SRPRB: variants seen among roughly 807,000 people sequenced by gnomAD.
SRPRB encodes SRP receptor subunit beta.
Under a neutral mutation model 31.9 loss-of-function variants are expected in SRPRB, and 20 were observed. The observed-to-expected ratio is 0.63, with a 90% confidence interval of 0.44 to 0.91. The LOEUF is 0.91. SRPRB is among the 40% of genes least tolerant of loss of function. The probability of loss-of-function intolerance (pLI) is 0.00; values close to 1 mark genes in which losing one functional copy is unlikely to be tolerated. For synonymous variants in SRPRB, 146 were observed against 132.8 expected, an observed-to-expected ratio of 1.10 and a Z score of -0.68; for missense variants, 321 against 324.9, an observed-to-expected ratio of 0.99 and a Z score of 0.09.
Position 133,811,169 on chromosome 3 carries a change from AG to A in SRPRB, c.381del (p.Gln127HisfsTer3). The A allele has an allele frequency of 6.2e-7, 1 of 1,614,196 alleles. No homozygotes were observed. The highest frequency in any genetic ancestry group is 8.5e-7 in the Non-Finnish European group (1 of 1,180,024). The stretch of plus-strand genomic sequence containing the variant: ...CCCGGCCATGAGAGTTTGAGGCTTC[AG>A]TTCTTAGAGCGGTTTAAGTCTTCAG... ...DLPGHESLRLQFLERFKSSAR... is the reference protein window; with the variant it reads ...DLPGHESLRLXFLERFKSSAR... On this transcript the variant is annotated frameshift_variant, in exon 4 of 7. Coordinates refer to ENST00000678299, the MANE Select transcript of SRPRB (RefSeq NM_001379313.1). LOFTEE classifies it high-confidence loss of function.
chr3:133,805,907 A>G lies in SRPRB; in HGVS notation c.59A>G (p.Gln20Arg), dbSNP rs769211306. 6.2e-7 allele frequency: 1 copy of G among 1,613,872 alleles called. No individual in the cohort carries two copies. Among genetic ancestry groups the G allele is most frequent in the Non-Finnish European group, 8.5e-7 (1 of 1,179,814 alleles). ...ADGGGAGGTF[Q>R]PYLDTLRQEL... Reference sequence around the variant, plus strand: ...GGCGGCGGTGCCGGGGGCACCTTCCAGCCCTACCTAGACACCTTGCGGCAG... The same window carrying G: ...GGCGGCGGTGCCGGGGGCACCTTCCGGCCCTACCTAGACACCTTGCGGCAG... Residue 20 changes from glutamine (Q) to arginine (R), a missense_variant, in exon 1 of 7, where the codon CAG (glutamine) becomes CGG (arginine). Physicochemically the swap from Gln to Arg is conservative, Grantham distance 43. Coordinates refer to ENST00000678299, the MANE Select transcript of SRPRB (RefSeq NM_001379313.1).
At chr3:133,801,408 C>G (rs544137672), upstream of SRPRB, among the ~76,000 whole-genome samples, 3 of 152,316 alleles carry the variant, frequency 2.0e-5, no homozygotes, top group South Asian at 6.2e-4. Flanking sequence ...CCTGCTCATT[C>G]CTGAGAATGG....
chr3:133,827,860 G>C (rs1268598961), downstream of SRPRB: 1 of 642,058 alleles, frequency 1.6e-6, no homozygotes, highest in Non-Finnish European at 2.9e-6. Flanking sequence ...CACACACTGA[G>C]TTTCTTAGAC....
chr3:133,812,679 G>A (rs1284739271), intron 4 of SRPRB, among the ~76,000 whole-genome samples: 1 of 152,078 alleles, frequency 6.6e-6, no homozygotes, highest in African/African-American at 2.4e-5. Flanking sequence ...TCTTATCATG[G>A]TTCCCCTCCC....
chr3:133,803,275 C>G (rs1362865656), upstream of SRPRB, among the ~76,000 whole-genome samples: 1 of 152,078 alleles, frequency 6.6e-6, no homozygotes, highest in Non-Finnish European at 1.5e-5. Flanking sequence ...GCCAAAAGGC[C>G]GAGAAGCGAT....
chr3:133,825,349 C>CA (rs1169710449), downstream of SRPRB: 2 of 152,250 alleles, frequency 1.3e-5, no homozygotes, highest in African/African-American at 4.8e-5. Context: ...GATGTGTCTG[C>CA]ACTCTTAACT....
At chr3:133,814,487 G>T (rs1353678383) in intron 4 of SRPRB, among the ~76,000 whole-genome samples, 1 of 151,530 alleles carries the variant, frequency 6.6e-6, no homozygotes, top group African/African-American at 2.4e-5. Context: ...CACCCAGGCT[G>T]GAGTGCAGTG....
downstream of SRPRB, among the ~76,000 whole-genome samples, chr3:133,822,991 C>T (rs540127107): frequency 5.9e-5 from 9 of 152,226 alleles, no homozygotes; most frequent in South Asian, 2.1e-4. Flanking sequence ...CTAAACAAAA[C>T]GCAATTCCTG....
intron 1 of SRPRB, among the ~76,000 whole-genome samples, chr3:133,797,888 G>A (rs889184195): frequency 1.3e-5 from 2 of 152,064 alleles, no homozygotes; most frequent in African/African-American, 4.8e-5. Context: ...ACCCCTTGGA[G>A]CTAGACATAG....
At chr3:133,812,750 T>C (rs1272663758) in intron 4 of SRPRB, among the ~76,000 whole-genome samples, 1 of 152,232 alleles carries the variant, frequency 6.6e-6, no homozygotes, top group Non-Finnish European at 1.5e-5. Context: ...TTCCTTTTCC[T>C]GAACCTTAAA....
chr3:133,803,175 G>C (rs1342668324), upstream of SRPRB, among the ~76,000 whole-genome samples: 1 of 151,986 alleles, frequency 6.6e-6, no homozygotes, highest in Non-Finnish European at 1.5e-5. Flanking sequence ...CTCTCTGTCT[G>C]AAGTTTTTTT....
At chr3:133,815,958 T>C (rs1935358149) in intron 5 of SRPRB, among the ~76,000 whole-genome samples, 1 of 152,230 alleles carries the variant, frequency 6.6e-6, no homozygotes, top group Admixed American at 6.5e-5. Flanking sequence ...CTGATTTTTC[T>C]TTGATACAGT....
chr3:133,785,218 A>G, intron 1 of SRPRB: 2 of 70,330 alleles, frequency 2.8e-5, no homozygotes, highest in Admixed American at 1.5e-4. Flanking sequence ...CTGGGAGGTG[A>G]GGGGCGCCTC....
upstream of SRPRB, among the ~76,000 whole-genome samples, chr3:133,801,417 G>A (rs931073771): frequency 1.4e-4 from 21 of 152,308 alleles, no homozygotes; most frequent in African/African-American, 4.8e-4. Flanking sequence ...TCCTGAGAAT[G>A]GGAGTGCTAA....
At chr3:133,804,132 T>G (rs978679731), upstream of SRPRB, among the ~76,000 whole-genome samples, 15 of 151,368 alleles carry the variant, frequency 9.9e-5, no homozygotes, top group East Asian at 2.9e-3. Context: ...AAGAAAATGT[T>G]TTTTGCAGAG....
Position 133,807,149 on chromosome 3 carries a change from AAC to A in SRPRB, c.249+448_249+449del, listed in dbSNP as rs202216387. Among the ~76,000 whole-genome samples the A allele has an allele frequency of 5.4e-3, 827 of 151,998 alleles. 5 individuals carry two copies. Among genetic ancestry groups the A allele is most frequent in the African/African-American group, 0.018 (753 of 41,476 alleles). ...TATTTTTAATACATTTAGTATTTTT[AAC>A]AGTGTATTTTAATGTGGTGAATAGG... is the stretch of plus-strand genomic sequence containing the variant. On this transcript the variant is annotated intron_variant, in intron 2 of 6. Transcript: ENST00000678299.
intron 6 of SRPRB, among the ~76,000 whole-genome samples, chr3:133,819,034 G>A (rs1168578902): frequency 6.6e-6 from 1 of 152,054 alleles, no homozygotes; most frequent in Non-Finnish European, 1.5e-5. Flanking sequence ...GGCAGTAAGG[G>A]GACTTACATT....
At chr3:133,822,744 G>C (rs6773313), downstream of SRPRB, among the ~76,000 whole-genome samples, 8,807 of 152,196 alleles carry the variant, frequency 0.058, 648 homozygotes, top group African/African-American at 0.18. Context: ...GCTTCAGTTG[G>C]CTCATGCCTG....
intron 3 of SRPRB, among the ~76,000 whole-genome samples, chr3:133,809,408 C>G (rs767799550): frequency 6.6e-6 from 1 of 152,076 alleles, no homozygotes. Context: ...TGTCTTCTTT[C>G]CCCTTTCTCA....
Sources: allele counts gnomAD v4.1 joint callset (sites outside exome capture counted in the v4.1 genomes callset), GRCh38; gene constraint gnomAD v4.1.1; transcripts MANE v1.5; gene names NCBI Gene and HGNC (gene_info 2026-07-23, HGNC 2026-07-21).